The following LDHAL6A variants were observed in gnomAD, a reference collection of about 807,000 sequenced individuals.
LDHAL6A encodes L-lactate dehydrogenase A-like 6A.
LDHAL6A carries 19 observed loss-of-function variants against 28.2 expected under a neutral mutation model. That is an observed-to-expected ratio of 0.67 (90% CI 0.47 to 0.99). The LOEUF is 0.99. LDHAL6A is among the 50% of genes least tolerant of loss of function. The pLI is 0.00. For missense variants in LDHAL6A, 372 were observed against 398.6 expected (o/e 0.93, Z 0.57); for synonymous variants, 144 against 134.4 (o/e 1.07, Z -0.49).
At position 18,475,641 on chromosome 11, in the gene LDHAL6A, T is replaced by A. The variant is rs751716548; in HGVS notation, c.592+2T>A. On this transcript the variant is annotated splice_donor_variant, in intron 4 of 6. Coordinates refer to ENST00000280706, the MANE Select transcript of LDHAL6A (RefSeq NM_144972.5). LOFTEE classifies it high-confidence loss of function. Reference sequence around the variant, plus strand: ...TTGGAGAGCATGGCGACTCAAGTGGTAAGCCTGAGGCACGATTGAGCCTCT... The same window carrying A: ...TTGGAGAGCATGGCGACTCAAGTGGAAAGCCTGAGGCACGATTGAGCCTCT... 1.9e-6 allele frequency: 3 copies of A among 1,611,438 alleles called. No homozygotes were observed. The highest frequency in any genetic ancestry group is 1.7e-6 in the Non-Finnish European group (2 of 1,178,930).
chr11:18,472,934 A>G lies in LDHAL6A; in HGVS notation c.419-2532A>G, dbSNP rs187661894. 1.5e-3 allele frequency among the ~76,000 whole-genome samples: 235 copies of G among 152,290 alleles called. 1 individual carries two copies. The highest frequency in any genetic ancestry group is 5.0e-3 in the African/African-American group (208 of 41,568). On this transcript the variant is annotated intron_variant, in intron 3 of 6. Coordinates refer to ENST00000280706, the MANE Select transcript of LDHAL6A (RefSeq NM_144972.5). ...ACCTGTTTTTCCCCAAATAATTTTG[A>G]CTTCATTAATGGAAATTTATGTGAA...
At position 18,479,059 on chromosome 11, in the gene LDHAL6A, G is replaced by C. The variant is rs1199618477; in HGVS notation, c.*189G>C. 2 of 477,396 alleles carry C rather than the reference G, an allele frequency of 4.2e-6. No individual in the cohort carries two copies. Among genetic ancestry groups the C allele is most frequent in the Non-Finnish European group, 7.4e-6 (2 of 270,930 alleles). 29.6% of individuals were successfully genotyped at this position (477,396 alleles called of 1,614,324 possible). On this transcript the variant is annotated 3_prime_UTR_variant, in exon 7 of 7. Transcript: ENST00000280706. ...GGGTCTCATTCTGTCACCCAGGCTGGAGTGCAGTGGCACAATCATGGCTCA... is the reference window on the plus strand; with the variant it reads ...GGGTCTCATTCTGTCACCCAGGCTGCAGTGCAGTGGCACAATCATGGCTCA...
intron 3 of LDHAL6A, among the ~76,000 whole-genome samples, chr11:18,472,264 T>C (rs574323299): frequency 6.6e-6 from 1 of 152,302 alleles, no homozygotes; most frequent in East Asian, 1.9e-4. Flanking sequence ...CAGCTTTATG[T>C]ATGAGGAAAC....
chr11:18,473,249 A>G (rs971763716), intron 3 of LDHAL6A, among the ~76,000 whole-genome samples: 22 of 152,230 alleles, frequency 1.4e-4, no homozygotes, highest in Non-Finnish European at 2.8e-4. Flanking sequence ...GTTTTAGTAA[A>G]CAAAATAATT....
At chr11:18,457,582 C>T (rs1285723545) in intron 1 of LDHAL6A, among the ~76,000 whole-genome samples, 1 of 152,182 alleles carries the variant, frequency 6.6e-6, no homozygotes, top group Non-Finnish European at 1.5e-5. Flanking sequence ...CCACAGCCAA[C>T]TGCTGCTCCT....
intron 1 of LDHAL6A, among the ~76,000 whole-genome samples, chr11:18,462,433 C>T (rs953550867): frequency 2.6e-5 from 4 of 151,524 alleles, no homozygotes; most frequent in East Asian, 3.9e-4. Flanking sequence ...GTCAGGAGAT[C>T]AAGACCATCC....
intron 2 of LDHAL6A, among the ~76,000 whole-genome samples, chr11:18,464,968 G>GTTTTTTTTTTTTTTTT (rs1565068644): frequency 1.6e-3 from 6 of 3,798 alleles, no homozygotes; most frequent in African/African-American, 2.3e-3. Context: ...GAGGTGAGGT[G>GTTTTTTTTTTTTTTTT]TTTTTTTTGT....
intron 2 of LDHAL6A, among the ~76,000 whole-genome samples, chr11:18,465,121 T>C (rs1849030806): frequency 6.6e-6 from 1 of 151,846 alleles, no homozygotes; most frequent in Non-Finnish European, 1.5e-5. Context: ...AGTGCACTAC[T>C]GTACCCAATT....
intron 3 of LDHAL6A, among the ~76,000 whole-genome samples, chr11:18,466,406 A>G (rs1051407646): frequency 2.0e-5 from 3 of 152,140 alleles, no homozygotes; most frequent in Non-Finnish European, 4.4e-5. Context: ...TAATCCCAGC[A>G]CTTTGGGAGC....
In LDHAL6A at chr11:18,479,314, C is replaced by CT. The variant is rs762101683; in HGVS notation, c.*462dup. ...TTTAGTATCCAGATGATAGATGACA[C>CT]TTTTTTTTTTTTTTTTTTAAAGTGA... On this transcript the variant is annotated 3_prime_UTR_variant, in exon 7 of 7. Transcript: ENST00000280706. 0.076 allele frequency: 9,939 copies of CT among 131,570 alleles called. 791 individuals carry two copies. Among genetic ancestry groups the CT allele is most frequent in the African/African-American group, 0.2 (7,207 of 35,668 alleles). The allele number at this position is 131,570 out of a possible 1,614,324, so 8.2% of individuals were successfully genotyped here.
At chr11:18,467,992 C>CGTATATAT (rs1565071518) in intron 3 of LDHAL6A, among the ~76,000 whole-genome samples, 1 of 50,590 alleles carries the variant, frequency 2.0e-5, no homozygotes, top group African/African-American at 1.1e-4. Flanking sequence ...TATATATATG[C>CGTATATAT]ATATATATAC....
intron 3 of LDHAL6A, among the ~76,000 whole-genome samples, chr11:18,470,457 A>C (rs1849230542): frequency 6.6e-6 from 1 of 152,202 alleles, no homozygotes; most frequent in South Asian, 2.1e-4. Context: ...TGCAAGTTCA[A>C]ATCAGAGTTT....
At position 18,456,360 on chromosome 11, in the gene LDHAL6A, G is replaced by C. The variant is rs779295442; in HGVS notation, c.-321G>C. On this transcript the variant is annotated 5_prime_UTR_variant, in exon 1 of 7. Transcript: ENST00000280706. ...GGGGTCAGCTGCGGGACGGAGTGCC[G>C]TCCCAGCTGTAGTTTCATGTTTGGT... 3 of 254,542 alleles carry C rather than the reference G, an allele frequency of 1.2e-5. No homozygotes were observed. Among genetic ancestry groups the C allele is most frequent in the African/African-American group, 2.3e-5 (1 of 43,018 alleles). The allele number at this position is 254,542 out of a possible 1,614,324, so 15.8% of individuals were successfully genotyped here.
intron 4 of LDHAL6A, among the ~76,000 whole-genome samples, chr11:18,476,085 A>G (rs1451195756): frequency 6.6e-6 from 1 of 152,204 alleles, no homozygotes; most frequent in Non-Finnish European, 1.5e-5. Flanking sequence ...AAAACCTTTG[A>G]AATCTATTTA....
intron 3 of LDHAL6A, among the ~76,000 whole-genome samples, chr11:18,475,066 C>A (rs189818507): frequency 6.6e-6 from 1 of 152,324 alleles, no homozygotes; most frequent in African/African-American, 2.4e-5. Context: ...CATAGTGAAA[C>A]CCCACCTCTA....
intron 1 of LDHAL6A, among the ~76,000 whole-genome samples, chr11:18,457,269 T>C (rs1265851888): frequency 6.6e-6 from 1 of 152,182 alleles, no homozygotes; most frequent in Admixed American, 6.5e-5. Flanking sequence ...GTTAGGTTAG[T>C]TTTAGTGTTT....
intron 1 of LDHAL6A, among the ~76,000 whole-genome samples, chr11:18,462,253 C>T (rs528967724): frequency 6.6e-6 from 1 of 151,466 alleles, no homozygotes; most frequent in South Asian, 2.1e-4. Flanking sequence ...GTAATCCCAT[C>T]ACTTTGAGAG....
At chr11:18,467,906 TATATATATATATACACACAC>T (rs1849121798) in intron 3 of LDHAL6A, among the ~76,000 whole-genome samples, 1 of 71,446 alleles carries the variant, frequency 1.4e-5, no homozygotes, top group African/African-American at 6.7e-5. Flanking sequence ...TATATATATA[TATATATATATATACACACAC>T]ATATATATAT....
Position 18,464,977 on chromosome 11 carries a change from G to GTTTGTTTTTTTTTTTTTTT in LDHAL6A, c.245-657_245-656insGTTTTTTTTTTTTTTTTTT, listed in dbSNP as rs1849013732. On this transcript the variant is annotated intron_variant, in intron 2 of 6. Transcript: ENST00000280706. ...TTTTAGGAGGTGAGGTGTTTTTTTT[G>GTTTGTTTTTTTTTTTTTTT]TTTTTTTTTGTTTTGTTTTGTTTTG... 2.4e-5 allele frequency among the ~76,000 whole-genome samples: 3 copies of GTTTGTTTTTTTTTTTTTTT among 125,562 alleles called. 1 individual carries two copies. The highest frequency in any genetic ancestry group is 1.0e-4 in the African/African-American group (3 of 29,802). 82.4% of individuals were successfully genotyped at this position (125,562 alleles called of 152,430 possible).
Sources: allele counts gnomAD v4.1 joint callset (sites outside exome capture counted in the v4.1 genomes callset), GRCh38; gene constraint gnomAD v4.1.1; transcripts MANE v1.5; gene names NCBI Gene and HGNC (gene_info 2026-07-23, HGNC 2026-07-21).